The following ATXN8OS variants were observed in gnomAD, a reference collection of about 807,000 sequenced individuals.
ATXN8OS encodes ATXN8 opposite strand (non-protein coding).
chr13:70,127,995 A>G (rs1334107779), intron 2 of ATXN8OS, among the ~76,000 whole-genome samples: 3 of 151,986 alleles, frequency 2.0e-5, no homozygotes, highest in African/African-American at 4.8e-5. Flanking sequence ...ATAATGAACA[A>G]TGTTGTTACA....
intron 2 of ATXN8OS, among the ~76,000 whole-genome samples, chr13:70,118,985 G>T (rs1888321524): frequency 6.6e-6 from 1 of 151,986 alleles, no homozygotes; most frequent in South Asian, 2.1e-4. Context: ...GCCATGGAAA[G>T]CTAATTGAAA....
At chr13:70,128,706 A>AT (rs923631733) in intron 2 of ATXN8OS, among the ~76,000 whole-genome samples, 11 of 151,830 alleles carry the variant, frequency 7.2e-5, no homozygotes, top group African/African-American at 1.9e-4. Context: ...TCTTGTGTTT[A>AT]TTTTTTTTGT....
At chr13:70,109,534 G>C (rs1304829240) in intron 1 of ATXN8OS, among the ~76,000 whole-genome samples, 1 of 151,960 alleles carries the variant, frequency 6.6e-6, no homozygotes, top group Non-Finnish European at 1.5e-5. Flanking sequence ...CTTAGGCAAA[G>C]TTGGACGCTT....
exon 5 of ATXN8OS, among the ~76,000 whole-genome samples, chr13:70,171,640 T>C (rs1184374604): frequency 1.3e-5 from 2 of 152,242 alleles, no homozygotes; most frequent in East Asian, 3.9e-4. Flanking sequence ...GACTGAAACA[T>C]TGTGATGTGA....
At chr13:70,143,201 TA>T (rs1308335491) in intron 3 of ATXN8OS, among the ~76,000 whole-genome samples, 1 of 152,220 alleles carries the variant, frequency 6.6e-6, no homozygotes, top group Non-Finnish European at 1.5e-5. Flanking sequence ...TTTGAAATAT[TA>T]GATTCTATTT....
chr13:70,160,463 G>A (rs1189854451), intron 4 of ATXN8OS, among the ~76,000 whole-genome samples: 1 of 151,764 alleles, frequency 6.6e-6, no homozygotes, highest in Non-Finnish European at 1.5e-5. Context: ...GCTGAAGTTA[G>A]TTCGGCATGA....
At chr13:70,129,775 T>C (rs1888502385) in intron 2 of ATXN8OS, 2 of 398,472 alleles carry the variant, frequency 5.0e-6, no homozygotes, top group East Asian at 7.1e-5. Context: ...TCTGCTTTAA[T>C]TGCAATAGCT....
chr13:70,150,808 C>T (rs1175255304), intron 4 of ATXN8OS, among the ~76,000 whole-genome samples: 1 of 152,106 alleles, frequency 6.6e-6, no homozygotes, highest in Non-Finnish European at 1.5e-5. Flanking sequence ...CACCTGGGTG[C>T]AAAGCCATGC....
chr13:70,158,272 G>A (rs1296698773), intron 4 of ATXN8OS, among the ~76,000 whole-genome samples: 1 of 152,046 alleles, frequency 6.6e-6, no homozygotes, highest in Non-Finnish European at 1.5e-5. Flanking sequence ...ACAAAAATTA[G>A]CCAGGCGTGG....
At chr13:70,161,820 G>A (rs1171028108) in intron 4 of ATXN8OS, among the ~76,000 whole-genome samples, 1 of 151,686 alleles carries the variant, frequency 6.6e-6, no homozygotes, top group Non-Finnish European at 1.5e-5. Context: ...TCCTAATGTA[G>A]GTTATAGAAT....
intron 3 of ATXN8OS, among the ~76,000 whole-genome samples, chr13:70,136,662 TGAGA>T (rs951507635): frequency 2.0e-5 from 3 of 151,880 alleles, no homozygotes; most frequent in African/African-American, 4.8e-5. Context: ...GACTCATACA[TGAGA>T]GAGAGAGAAA....
upstream of ATXN8OS, chr13:70,107,759 T>TG: frequency 7.5e-7 from 1 of 1,341,058 alleles, no homozygotes; most frequent in Non-Finnish European, 1.0e-6. Context: ...GGTCAGCAGG[T>TG]GGGGGAGGAC....
chr13:70,139,721 T>C, intron 3 of ATXN8OS, among the ~76,000 whole-genome samples: 1 of 152,148 alleles, frequency 6.6e-6, no homozygotes, highest in Non-Finnish European at 1.5e-5. Context: ...GTATTCACTG[T>C]ATATTAGTCA....
intron 4 of ATXN8OS, among the ~76,000 whole-genome samples, chr13:70,155,326 T>G (rs1256564462): frequency 6.6e-6 from 1 of 152,194 alleles, no homozygotes; most frequent in African/African-American, 2.4e-5. Context: ...AGCCATTTTT[T>G]AAGGCGAGAT....
chr13:70,148,639 A>G (rs1316266052), intron 4 of ATXN8OS, among the ~76,000 whole-genome samples: 1 of 152,096 alleles, frequency 6.6e-6, no homozygotes, highest in Non-Finnish European at 1.5e-5. Context: ...TTCTCTAATA[A>G]TATTTTTATT....
In ATXN8OS at chr13:70,114,567, A is replaced by T. The variant is rs535578109; in HGVS notation, n.241-574A>T. Among the ~76,000 whole-genome samples, 4 of 152,214 alleles carry T rather than the reference A, an allele frequency of 2.6e-5. 1 individual carries two copies. The highest frequency in any genetic ancestry group is 9.6e-5 in the African/African-American group (4 of 41,556). The stretch of plus-strand genomic sequence containing the variant: ...TTTCAGATTATATTACATTCTTTAA[A>T]TTTCTTCACACTAGATAGATTCCCA... On this transcript the variant is annotated intron_variant and non_coding_transcript_variant, in intron 1 of 4. Coordinates refer to ENST00000678624, the Ensembl canonical transcript of ATXN8OS.
intron 2 of ATXN8OS, among the ~76,000 whole-genome samples, chr13:70,129,102 C>T (rs1319113269): frequency 1.3e-5 from 2 of 152,140 alleles, no homozygotes; most frequent in African/African-American, 4.8e-5. Flanking sequence ...TCAGACGATC[C>T]ACCTGCCTCG....
At chr13:70,130,899 T>C (rs943973897) in intron 3 of ATXN8OS, 1 of 398,384 alleles carries the variant, frequency 2.5e-6, no homozygotes. Context: ...AAACCAGAGA[T>C]AGTATAGATA....
intron 3 of ATXN8OS, among the ~76,000 whole-genome samples, chr13:70,144,616 C>T (rs1474534316): frequency 6.6e-6 from 1 of 151,952 alleles, no homozygotes; most frequent in Non-Finnish European, 1.5e-5. Context: ...ATATATCTTT[C>T]CCAAATGTTT....
Sources: gnomAD v4.1 joint callset for allele counts (sites outside exome capture counted in the v4.1 genomes callset) on GRCh38, gnomAD v4.1.1 for gene constraint, MANE v1.5 for transcripts, NCBI Gene and HGNC (gene_info 2026-07-23, HGNC 2026-07-21) for gene names.